The following PDE10A variants were observed in gnomAD, a reference collection of about 807,000 sequenced individuals.
The protein encoded by PDE10A is phosphodiesterase 10A.
In PDE10A, 39 loss-of-function variants were observed where a neutral mutation model predicts 97.7. The ratio of observed to expected loss-of-function variants is 0.40; its 90% CI spans 0.31 to 0.52. The LOEUF is 0.52. PDE10A is among the 20% of genes least tolerant of loss of function. The probability of loss-of-function intolerance (pLI) is 0.56; values close to 1 mark genes in which losing one functional copy is unlikely to be tolerated. For missense variants in PDE10A, 731 were observed against 1,047.8 expected (o/e 0.70, Z 4.17); for synonymous variants, 371 against 376.8 (o/e 0.98, Z 0.18).
chr6:165,491,958 A>G (rs1429087963), intron 2 of PDE10A, among the ~76,000 whole-genome samples: 1 of 152,176 alleles, frequency 6.6e-6, no homozygotes, highest in East Asian at 1.9e-4. Context: ...TTGAGAGATC[A>G]TTAGCAAGAT....
In PDE10A at chr6:165,379,265, G is replaced by A. The variant is rs926660809; in HGVS notation, c.2712C>T (p.Tyr904=). The A allele has an allele frequency of 6.2e-7, 1 of 1,613,560 alleles. No homozygotes were observed. Among genetic ancestry groups the A allele is most frequent in the Non-Finnish European group, 8.5e-7 (1 of 1,179,666 alleles). The stretch of plus-strand genomic sequence containing the variant: ...CTTCCAACTGCTTCCTGTTTCCAAA[G>A]TATAAAGCAAGGTCTGTGGCAATGA... ...KAIIATDLAL[Y]FGNRKQLEEM... is the part of the protein sequence containing the mutation. Residue 904 remains tyrosine, a synonymous_variant, in exon 18 of 22, where the codon TAC becomes TAT. Coordinates refer to ENST00000539869, the MANE Select transcript of PDE10A (RefSeq NM_001385079.1).
At chr6:165,338,988 C>T (rs1233548453) in intron 20 of PDE10A, among the ~76,000 whole-genome samples, 2 of 152,184 alleles carry the variant, frequency 1.3e-5, no homozygotes, top group African/African-American at 4.8e-5. Flanking sequence ...AGTTGGCCGT[C>T]AAACTCAGAT....
intron 3 of PDE10A, among the ~76,000 whole-genome samples, chr6:165,459,352 C>G (rs1778154733): frequency 6.6e-6 from 1 of 152,078 alleles, no homozygotes; most frequent in Admixed American, 6.6e-5. Flanking sequence ...ACTTCCTTAC[C>G]TTTTTGTCAC....
Position 165,679,504 on chromosome 6 carries a change from C to T in PDE10A, c.-614-135936G>A, listed in dbSNP as rs374475988. On this transcript the variant is annotated intron_variant, in intron 1 of 19. Transcript: ENST00000366882. ...CCCAGCCCTTGAGGAGGTGTGGCAC[C>T]GCCCCCTCCTCCTGACAGGCCTCCT... is the stretch of plus-strand genomic sequence containing the variant. Among the ~76,000 whole-genome samples the T allele has an allele frequency of 2.4e-4, 37 of 152,164 alleles. 1 individual carries two copies. Among genetic ancestry groups the T allele is most frequent in the African/African-American group, 6.0e-4 (25 of 41,440 alleles).
intron 1 of PDE10A, among the ~76,000 whole-genome samples, chr6:165,957,155 C>G (rs553843613): frequency 6.6e-6 from 1 of 152,134 alleles, no homozygotes; most frequent in Non-Finnish European, 1.5e-5. Context: ...CTTCCTAACA[C>G]CTTTACCTAA....
At chr6:165,673,947 T>C (rs1039987983) in intron 1 of PDE10A, among the ~76,000 whole-genome samples, 5 of 149,812 alleles carry the variant, frequency 3.3e-5, no homozygotes, top group Non-Finnish European at 5.9e-5. Context: ...TGGATTACGA[T>C]AAAATAATGT....
At chr6:165,736,744 T>C (rs1391102163) in intron 1 of PDE10A, among the ~76,000 whole-genome samples, 1 of 151,986 alleles carries the variant, frequency 6.6e-6, no homozygotes, top group African/African-American at 2.4e-5. Flanking sequence ...ACTTCACACT[T>C]CAAGGAACTA....
intron 1 of PDE10A, among the ~76,000 whole-genome samples, chr6:165,689,787 C>T (rs1196300933): frequency 2.0e-5 from 3 of 152,112 alleles, no homozygotes; most frequent in Non-Finnish European, 4.4e-5. Flanking sequence ...TTCGTAGCAA[C>T]ACAAAATGGA....
chr6:165,372,111 A>G lies in PDE10A; in HGVS notation c.2783+7083T>C, dbSNP rs1297317640. Among the ~76,000 whole-genome samples, 326 of 149,356 alleles carry G rather than the reference A, an allele frequency of 2.2e-3. 3 individuals are homozygous for G. Among genetic ancestry groups the G allele is most frequent in the Non-Finnish European group, 2.7e-3 (183 of 67,620 alleles). Reference sequence around the variant, plus strand: ...TAAGAGCTATCTATGACAAACCCACAGCCAATATCATACTGAATGGGCAAA... The same window carrying G: ...TAAGAGCTATCTATGACAAACCCACGGCCAATATCATACTGAATGGGCAAA... On this transcript the variant is annotated intron_variant, in intron 18 of 21. Coordinates refer to ENST00000539869, the MANE Select transcript of PDE10A (RefSeq NM_001385079.1).
chr6:165,347,647 T>C (rs1782404810), intron 18 of PDE10A, among the ~76,000 whole-genome samples: 1 of 152,314 alleles, frequency 6.6e-6, no homozygotes, highest in East Asian at 1.9e-4. Flanking sequence ...CAGAGTACCA[T>C]ACATAACTTT....
intron 1 of PDE10A, among the ~76,000 whole-genome samples, chr6:165,845,603 C>CT (rs1404058746): frequency 6.6e-6 from 1 of 152,192 alleles, no homozygotes; most frequent in Non-Finnish European, 1.5e-5. Flanking sequence ...GTTGAAACAG[C>CT]TACGGTCAGG....
chr6:165,912,728 A>T (rs1782496908), intron 1 of PDE10A, among the ~76,000 whole-genome samples: 1 of 152,224 alleles, frequency 6.6e-6, no homozygotes, highest in South Asian at 2.1e-4. Flanking sequence ...ATTAAATAAG[A>T]TGCCTTTAAA....
At chr6:165,431,250 A>T (rs922954531) in intron 8 of PDE10A, among the ~76,000 whole-genome samples, 172 bp downstream of exon 8, 11 of 151,126 alleles carry the variant, frequency 7.3e-5, no homozygotes, top group Non-Finnish European at 1.3e-4. Context: ...TATTTAAGGC[A>T]GGGAGTAAGT....
intron 19 of PDE10A, among the ~76,000 whole-genome samples, chr6:165,339,562 G>A (rs1244337948): frequency 6.6e-6 from 1 of 152,114 alleles, no homozygotes; most frequent in Non-Finnish European, 1.5e-5. Flanking sequence ...CTCCACTACT[G>A]AATTACCAGA....
chr6:165,570,471 C>T (rs1225859514), intron 1 of PDE10A, among the ~76,000 whole-genome samples: 1 of 152,154 alleles, frequency 6.6e-6, no homozygotes, highest in African/African-American at 2.4e-5. Context: ...AAAACATACA[C>T]ACTTGAATTT....
At chr6:165,514,433 A>G (rs1273358663) in intron 2 of PDE10A, among the ~76,000 whole-genome samples, 2 of 152,194 alleles carry the variant, frequency 1.3e-5, no homozygotes, top group African/African-American at 4.8e-5. Context: ...AAGATGTTTA[A>G]TTACTATAAG....
At chr6:165,973,796 A>G (rs923709930) in intron 1 of PDE10A, among the ~76,000 whole-genome samples, 2 of 152,226 alleles carry the variant, frequency 1.3e-5, no homozygotes, top group African/African-American at 2.4e-5. Flanking sequence ...TGAATACAGT[A>G]ACATAGCTTT....
chr6:165,697,712 A>G (rs1220468647), intron 1 of PDE10A, among the ~76,000 whole-genome samples: 1 of 152,208 alleles, frequency 6.6e-6, no homozygotes, highest in Admixed American at 6.5e-5. Context: ...GACTGGGTAG[A>G]TGGGGCGATT....
chr6:165,398,816 C>A (rs1342276602), intron 13 of PDE10A, among the ~76,000 whole-genome samples: 1 of 152,030 alleles, frequency 6.6e-6, no homozygotes, highest in Non-Finnish European at 1.5e-5. Context: ...AAACAAATGG[C>A]AAGATGGTAG....
Sources: gnomAD v4.1 joint callset for allele counts (sites outside exome capture counted in the v4.1 genomes callset) on GRCh38, gnomAD v4.1.1 for gene constraint, MANE v1.5 for transcripts, NCBI Gene and HGNC (gene_info 2026-07-23, HGNC 2026-07-21) for gene names.